Variants in PRKAG2 observed in about 807,000 individuals in gnomAD.
PRKAG2 encodes protein kinase AMP-activated non-catalytic subunit gamma 2.
A neutral mutation model predicts 69.6 loss-of-function variants in PRKAG2; 26 were observed. The ratio of observed to expected loss-of-function variants is 0.37; its 90% CI spans 0.27 to 0.52. PRKAG2 has a LOEUF of 0.52. Among genes scored for constraint, PRKAG2 ranks in the 20% least tolerant of loss-of-function variants. The probability of loss-of-function intolerance (pLI) is 0.90; values close to 1 mark genes in which losing one functional copy is unlikely to be tolerated. For synonymous variants in PRKAG2, 293 were observed against 285.0 expected (o/e 1.03, Z -0.28); for missense variants, 557 against 740.0 (o/e 0.75, Z 2.87).
At chr7:151,685,537 A>G (rs1834587741) in intron 3 of PRKAG2, among the ~76,000 whole-genome samples, 1 of 152,162 alleles carries the variant, frequency 6.6e-6, no homozygotes, top group Admixed American at 6.6e-5. Flanking sequence ...TGGGAGGCCG[A>G]GAAGGGAGGG....
chr7:151,819,464 A>G (rs576431414), intron 1 of PRKAG2, among the ~76,000 whole-genome samples: 34 of 152,228 alleles, frequency 2.2e-4, no homozygotes, highest in African/African-American at 7.7e-4. Flanking sequence ...ATATTTACCA[A>G]AGTAACCAGA....
At chr7:151,794,131 A>G (rs2077382928) in intron 1 of PRKAG2, among the ~76,000 whole-genome samples, 1 of 151,838 alleles carries the variant, frequency 6.6e-6, no homozygotes. Flanking sequence ...CCCGCCCCCC[A>G]AGGCCAAGGA....
At chr7:151,633,378 C>CTA (rs1387915432) in intron 4 of PRKAG2, among the ~76,000 whole-genome samples, 2 of 151,988 alleles carry the variant, frequency 1.3e-5, no homozygotes, top group African/African-American at 4.8e-5. Context: ...CTCACTAATC[C>CTA]TATTCAACAT....
At position 151,583,667 on chromosome 7, in the gene PRKAG2, G is replaced by C. The variant is rs1811001318; in HGVS notation, c.865-7215C>G. 6.6e-6 allele frequency among the ~76,000 whole-genome samples: 1 copy of C among 152,158 alleles called. No homozygotes were observed. Among genetic ancestry groups the C allele is most frequent in the African/African-American group, 2.4e-5 (1 of 41,442 alleles). On this transcript the variant is annotated intron_variant, in intron 6 of 15. Transcript: ENST00000287878. The surrounding 1 kb of genome is among the most constrained non-coding windows in gnomAD (Gnocchi z 4.1). ...GACTAACACAATCTAGTTCTAATTT[G>C]CAGGAAGAAACCGCTCAGGGATCTT...
Position 151,583,735 on chromosome 7 carries a change from T to C in PRKAG2, c.865-7283A>G, listed in dbSNP as rs1811017541. On this transcript the variant is annotated intron_variant, in intron 6 of 15. Coordinates refer to ENST00000287878, the MANE Select transcript of PRKAG2 (RefSeq NM_016203.4). This position sits in a 1 kb window ranked among gnomAD's most constrained non-coding sequence, Gnocchi z 4.1. ...TCTTTCCTTTTAACTGATACGCAATTTGCTCAAACTATGATTAATTTTAAA... is the reference window on the plus strand; with the variant it reads ...TCTTTCCTTTTAACTGATACGCAATCTGCTCAAACTATGATTAATTTTAAA... Among the ~76,000 whole-genome samples the C allele has an allele frequency of 6.6e-6, 1 of 152,248 alleles. No individual in the cohort carries two copies. Among genetic ancestry groups the C allele is most frequent in the East Asian group, 1.9e-4 (1 of 5,196 alleles).
rs549976487 is a variant in PRKAG2, at chr7:151,636,072, C to T, written c.685-3934G>A. Reference sequence around the variant, plus strand: ...TTCACCGTGTTAGCCAAGATGGTCTCGATCTCCTGACCTCGTGATCCACCC... The same window carrying T: ...TTCACCGTGTTAGCCAAGATGGTCTTGATCTCCTGACCTCGTGATCCACCC... On this transcript the variant is annotated intron_variant, in intron 4 of 15. Transcript: ENST00000287878. Among the ~76,000 whole-genome samples the T allele has an allele frequency of 5.5e-4, 83 of 151,596 alleles. 1 individual carries two copies. The highest frequency in any genetic ancestry group is 8.7e-4 in the Non-Finnish European group (59 of 67,760).
chr7:151,639,314 T>C (rs1279326852), intron 4 of PRKAG2, among the ~76,000 whole-genome samples: 1 of 152,228 alleles, frequency 6.6e-6, no homozygotes, highest in African/African-American at 2.4e-5. Flanking sequence ...CTTGAGCTCC[T>C]CCAGTCTTGC....
At chr7:151,731,417 G>A (rs552061252) in intron 3 of PRKAG2, among the ~76,000 whole-genome samples, 19 of 152,348 alleles carry the variant, frequency 1.2e-4, no homozygotes, top group African/African-American at 3.6e-4. Flanking sequence ...CATTTCCAGC[G>A]ACAGCCACAG....
At chr7:151,759,217 C>A (rs955567822) in intron 3 of PRKAG2, among the ~76,000 whole-genome samples, 24 of 152,146 alleles carry the variant, frequency 1.6e-4, no homozygotes, top group African/African-American at 5.8e-4. Context: ...CATCGTGGGC[C>A]CCTCCGCCAG....
chr7:151,596,706 G>A (rs1008246837), intron 5 of PRKAG2, among the ~76,000 whole-genome samples: 3 of 151,944 alleles, frequency 2.0e-5, no homozygotes, highest in East Asian at 1.9e-4. Flanking sequence ...CTGAGATTGC[G>A]GCACTGCACT....
chr7:151,639,614 C>T (rs1585422178), intron 4 of PRKAG2, among the ~76,000 whole-genome samples: 1 of 152,208 alleles, frequency 6.6e-6, no homozygotes, highest in Non-Finnish European at 1.5e-5. Flanking sequence ...ACACTTTCCT[C>T]TTCCTGCTCT....
chr7:151,794,889 C>T (rs1051114714), intron 1 of PRKAG2, among the ~76,000 whole-genome samples: 30 of 152,348 alleles, frequency 2.0e-4, no homozygotes, highest in South Asian at 4.1e-4. Flanking sequence ...GACCAGAGCT[C>T]CATGGAAGCT....
At chr7:151,770,888 C>T (rs887240167) in intron 3 of PRKAG2, among the ~76,000 whole-genome samples, 3 of 152,192 alleles carry the variant, frequency 2.0e-5, no homozygotes, top group African/African-American at 7.2e-5. Flanking sequence ...TAGCATTAAG[C>T]GTTGCAGAGG....
At position 151,876,478 on chromosome 7, in the gene PRKAG2, G is replaced by A. The variant is rs762758624; in HGVS notation, c.114+29C>T. ...GGGACGGGAGCGACAGGAGGGCTGG[G>A]GAGCAGGGGACCGAGTGCTGGGACT... On this transcript the variant is annotated intron_variant, in intron 1 of 15. Coordinates refer to ENST00000287878, the MANE Select transcript of PRKAG2 (RefSeq NM_016203.4). 6 of 1,585,208 alleles carry A rather than the reference G, an allele frequency of 3.8e-6. No individual in the cohort carries two copies. In the South Asian group the frequency reaches 5.5e-5, roughly 15 times the overall value.
chr7:151,756,759 C>G lies in PRKAG2; in HGVS notation c.466+24393G>C. ...CCTTACTCATCGGTGGGTCGCTTCC[C>G]AAACTCTAGTCTGGCGTCTCAGCTC... On this transcript the variant is annotated intron_variant, in intron 3 of 15. Coordinates refer to ENST00000287878, the MANE Select transcript of PRKAG2 (RefSeq NM_016203.4). This position sits in a 1 kb window ranked among gnomAD's most constrained non-coding sequence, Gnocchi z 4.9. Among the ~76,000 whole-genome samples the G allele has an allele frequency of 6.6e-6, 1 of 152,180 alleles. No individual in the cohort carries two copies. Among genetic ancestry groups the G allele is most frequent in the East Asian group, 1.9e-4 (1 of 5,186 alleles).
At chr7:151,801,852 A>C (rs115835528) in intron 1 of PRKAG2, among the ~76,000 whole-genome samples, 5,305 of 152,244 alleles carry the variant, frequency 0.035, 271 homozygotes, top group African/African-American at 0.11. Context: ...GTTTTTTCAA[A>C]CAAGAAAAAG....
chr7:151,562,244 CAAAAAAAAAAAAAAA>C lies in PRKAG2; in HGVS notation c.1585-1642_1585-1628del, dbSNP rs575674668. ...TGGGCGACAGAGTGAGACTTTGTCT[CAAAAAAAAAAAAAAA>C]AAAAAAAAAAAAAAGGCTTCAGAAC... On this transcript the variant is annotated intron_variant, in intron 14 of 15. Transcript: ENST00000287878. Among the ~76,000 whole-genome samples, 12 of 38,460 alleles carry C rather than the reference CAAAAAAAAAAAAAAA, an allele frequency of 3.1e-4. 1 individual carries two copies. The highest frequency in any genetic ancestry group is 7.2e-4 in the East Asian group (1 of 1,380). 25.2% of individuals were successfully genotyped at this position (38,460 alleles called of 152,430 possible). A position where few individuals can be genotyped will look rare whatever the true frequency, so the allele number is the denominator to read the frequency against.
At chr7:151,642,490 C>T (rs1826906246) in intron 4 of PRKAG2, among the ~76,000 whole-genome samples, 1 of 152,216 alleles carries the variant, frequency 6.6e-6, no homozygotes, top group African/African-American at 2.4e-5. Flanking sequence ...GATCACACCA[C>T]TGCCCTCCAA....
rs375056636 is a variant in PRKAG2, at chr7:151,570,837, G to A, written c.1052-612C>T. ...GGCTGGAGTGCAGTGGCATGATCTG[G>A]GTTCACTGCAATCTCTGCCTCCCAG... On this transcript the variant is annotated intron_variant, in intron 9 of 15. Transcript: ENST00000287878. 7.9e-5 allele frequency among the ~76,000 whole-genome samples: 12 copies of A among 152,086 alleles called. No homozygotes were observed. In the East Asian group the frequency reaches 2.1e-3, roughly 27 times the overall value.
Sources: gnomAD v4.1 joint callset for allele counts (sites outside exome capture counted in the v4.1 genomes callset) on GRCh38, gnomAD v4.1.1 for gene constraint, Gnocchi (gnomAD v3.1) non-coding constraint, MANE v1.5 for transcripts, NCBI Gene and HGNC (gene_info 2026-07-23, HGNC 2026-07-21) for gene names.